The following KLRG1 variants were observed in gnomAD, a reference collection of about 807,000 sequenced individuals.
The protein encoded by KLRG1 is killer cell lectin like receptor G1, also known as killer cell lectin-like receptor subfamily G member 1.
A neutral mutation model predicts 21.8 loss-of-function variants in KLRG1; 16 were observed. The observed-to-expected ratio is 0.73, with a 90% CI of 0.50 to 1.11. The LOEUF (loss-of-function observed/expected upper bound fraction) is 1.11. KLRG1 is among the 50% of genes most tolerant of loss of function. The probability of loss-of-function intolerance (pLI) is 0.00; values close to 1 mark genes in which losing one functional copy is unlikely to be tolerated. For missense variants in KLRG1, 173 were observed against 218.3 expected (o/e 0.79, Z 1.31); for synonymous variants, 69 against 75.9 (o/e 0.91, Z 0.47).
At chr12:9,164,260 CT>C in the KLRG1 span, 1 of 1,612,524 alleles carries the variant, frequency 6.2e-7, no homozygotes, top group Non-Finnish European at 8.5e-7. Context: ...GCACACTGAC[CT>C]ATCACCCCAT....
chr12:9,117,712 T>G, the KLRG1 span, among the ~76,000 whole-genome samples: 2 of 152,154 alleles, frequency 1.3e-5, no homozygotes, highest in African/African-American at 4.8e-5. Context: ...AGCAGTGTGG[T>G]CTACTAGAAA....
chr12:9,109,420 TAAA>T, the KLRG1 span: 1 of 1,600,964 alleles, frequency 6.2e-7, no homozygotes, highest in Non-Finnish European at 8.6e-7. Flanking sequence ...TGATTGGTGA[TAAA>T]GAAGGTTGGT....
At chr12:9,001,600 T>C (rs886327298) in intron 3 of KLRG1, among the ~76,000 whole-genome samples, 3 of 152,204 alleles carry the variant, frequency 2.0e-5, no homozygotes, top group Admixed American at 2.0e-4. Context: ...CGTGGACATA[T>C]GTAGGTCAAA....
chr12:9,037,672 G>A, the KLRG1 span, among the ~76,000 whole-genome samples: 14 of 152,282 alleles, frequency 9.2e-5, no homozygotes, highest in African/African-American at 3.4e-4. Flanking sequence ...CCCATTCGTG[G>A]TAAGAGCCCT....
At chr12:9,003,091 A>G (rs1029986180) in intron 3 of KLRG1, among the ~76,000 whole-genome samples, 3 of 152,094 alleles carry the variant, frequency 2.0e-5, no homozygotes, top group Non-Finnish European at 2.9e-5. Context: ...GGACTGACTG[A>G]TCAAGTGATT....
At chr12:9,046,077 G>C in the KLRG1 span, among the ~76,000 whole-genome samples, 2 of 152,146 alleles carry the variant, frequency 1.3e-5, no homozygotes. Context: ...TGCATGCTGG[G>C]CTTAATACCT....
At chr12:9,200,684 A>G in the KLRG1 span, among the ~76,000 whole-genome samples, 1 of 152,188 alleles carries the variant, frequency 6.6e-6, no homozygotes, top group African/African-American at 2.4e-5. Flanking sequence ...TGAAACAAGA[A>G]GTTTCATACT....
At chr12:9,196,205 G>C in the KLRG1 span, 2 of 574,636 alleles carry the variant, frequency 3.5e-6, no homozygotes, top group Admixed American at 6.6e-5. Flanking sequence ...ATTTCTCCTT[G>C]GTTTCATGGT....
the KLRG1 span, among the ~76,000 whole-genome samples, chr12:9,213,130 G>A: frequency 6.6e-6 from 1 of 152,132 alleles, no homozygotes; most frequent in Non-Finnish European, 1.5e-5. Context: ...CCATGTTGTA[G>A]CATATATATA....
At chr12:9,109,483 AG>A in the KLRG1 span, 1 of 1,074,952 alleles carries the variant, frequency 9.3e-7, no homozygotes. Flanking sequence ...TCCCTGTAAC[AG>A]TTCCCTAATA....
At chr12:9,006,937 G>A (rs1947490109) in intron 3 of KLRG1, among the ~76,000 whole-genome samples, 1 of 152,170 alleles carries the variant, frequency 6.6e-6, no homozygotes, top group Non-Finnish European at 1.5e-5. Context: ...ATGATACTGG[G>A]AATGAACGCA....
the KLRG1 span, among the ~76,000 whole-genome samples, chr12:9,118,346 C>T: frequency 6.6e-6 from 1 of 152,184 alleles, no homozygotes; most frequent in Middle Eastern, 3.2e-3. Context: ...GGAAGTGATA[C>T]ATGCAACTTT....
chr12:9,115,701 GAAAAATCT>G, the KLRG1 span: 1 of 1,270,164 alleles, frequency 7.9e-7, no homozygotes, highest in Admixed American at 1.8e-5. Context: ...ATGATATAAA[GAAAAATCT>G]GCAATAAATG....
chr12:9,044,365 T>C, the KLRG1 span, among the ~76,000 whole-genome samples: 1 of 152,000 alleles, frequency 6.6e-6, no homozygotes, highest in African/African-American at 2.4e-5. Context: ...GAATTTTTAC[T>C]CAAAAAAAGT....
At chr12:8,953,756 T>A (rs1193734931) in intron 1 of KLRG1, among the ~76,000 whole-genome samples, 1 of 152,186 alleles carries the variant, frequency 6.6e-6, no homozygotes, top group Non-Finnish European at 1.5e-5. Context: ...TAAAGAATTA[T>A]TTTCTAGTAA....
At chr12:9,048,459 C>T in the KLRG1 span, among the ~76,000 whole-genome samples, 3 of 151,936 alleles carry the variant, frequency 2.0e-5, no homozygotes, top group African/African-American at 7.3e-5. Flanking sequence ...TCCAAAAATC[C>T]TCAACAAAAT....
upstream of KLRG1, among the ~76,000 whole-genome samples, chr12:8,986,036 G>A (rs1054109869): frequency 2.0e-5 from 3 of 152,210 alleles, no homozygotes; most frequent in African/African-American, 7.2e-5. Flanking sequence ...TATAAGAAAG[G>A]ACTGTAACAG....
At chr12:9,083,204 C>T in the KLRG1 span, among the ~76,000 whole-genome samples, 1 of 151,754 alleles carries the variant, frequency 6.6e-6, no homozygotes, top group Non-Finnish European at 1.5e-5. Context: ...AACACTTGGA[C>T]ACAGGAAGGG....
chr12:9,201,205 G>T, the KLRG1 span: 1 of 1,321,222 alleles, frequency 7.6e-7, no homozygotes, highest in Non-Finnish European at 1.1e-6. Context: ...CCTGACAACT[G>T]GGAGTAGGAG....
Sources: allele counts gnomAD v4.1 joint callset (sites outside exome capture counted in the v4.1 genomes callset), GRCh38; gene constraint gnomAD v4.1.1; transcripts MANE v1.5; gene names NCBI Gene and HGNC (gene_info 2026-07-23, HGNC 2026-07-21).